Variants in GRIK1 observed in about 807,000 individuals in gnomAD.
GRIK1 encodes the protein glutamate ionotropic receptor kainate type subunit 1.
Under a neutral mutation model 105.7 loss-of-function variants are expected in GRIK1, and 69 were observed. That is an observed-to-expected ratio of 0.65 (90% CI 0.54 to 0.80). The LOEUF is 0.80. Ranked by LOEUF, GRIK1 falls within the 30% of genes least tolerant of loss-of-function variation. The probability of loss-of-function intolerance (pLI) is 0.00; values close to 1 mark genes in which losing one functional copy is unlikely to be tolerated. For synonymous variants in GRIK1, 438 were observed against 431.3 expected (o/e 1.02, Z -0.19); for missense variants, 1,109 against 1,167.3 (o/e 0.95, Z 0.73).
At chr21:29,864,373 C>G (rs2068739247) in intron 1 of GRIK1, among the ~76,000 whole-genome samples, 3 of 151,938 alleles carry the variant, frequency 2.0e-5, no homozygotes, top group Admixed American at 1.3e-4. Flanking sequence ...TTTCTTCTAC[C>G]CTACTTTCTC....
chr21:29,697,157 T>C (rs959562691), intron 1 of GRIK1, among the ~76,000 whole-genome samples: 14 of 152,234 alleles, frequency 9.2e-5, no homozygotes, highest in Admixed American at 9.2e-4. Flanking sequence ...CTTTGTCTCA[T>C]ACATGTGAGC....
intron 1 of GRIK1, among the ~76,000 whole-genome samples, chr21:29,755,304 G>A (rs148754389): frequency 2.3e-4 from 35 of 152,318 alleles, no homozygotes; most frequent in South Asian, 1.7e-3. Context: ...CAGGCATAAG[G>A]CAGATTAATT....
chr21:29,680,363 C>G (rs143315782), intron 3 of GRIK1, among the ~76,000 whole-genome samples: 9 of 152,168 alleles, frequency 5.9e-5, no homozygotes, highest in African/African-American at 1.7e-4. Flanking sequence ...ATTATGCCAG[C>G]TCTACATTAA....
chr21:29,771,100 A>G (rs2145734572), intron 1 of GRIK1, among the ~76,000 whole-genome samples: 1 of 152,380 alleles, frequency 6.6e-6, no homozygotes, highest in Admixed American at 6.5e-5. Context: ...AAATATGCAT[A>G]CAATCATGCC....
intron 7 of GRIK1, among the ~76,000 whole-genome samples, chr21:29,634,109 A>G (rs2062344750): frequency 6.6e-6 from 1 of 152,224 alleles, no homozygotes; most frequent in Non-Finnish European, 1.5e-5. Flanking sequence ...AAATCAGCCA[A>G]CCAACCAACC....
intron 1 of GRIK1, among the ~76,000 whole-genome samples, chr21:29,785,167 A>G (rs1003570327): frequency 4.6e-5 from 7 of 152,194 alleles, no homozygotes; most frequent in Admixed American, 2.6e-4. Flanking sequence ...CAGAAGTATC[A>G]CCATTTTATA....
intron 1 of GRIK1, among the ~76,000 whole-genome samples, chr21:29,898,614 C>A (rs1010987311): frequency 6.6e-6 from 1 of 152,158 alleles, no homozygotes; most frequent in Non-Finnish European, 1.5e-5. Flanking sequence ...AGATAGCATA[C>A]CTGCTGGGTT....
intron 7 of GRIK1, among the ~76,000 whole-genome samples, chr21:29,634,305 T>C (rs1246621349): frequency 1.3e-5 from 2 of 152,238 alleles, no homozygotes; most frequent in Non-Finnish European, 2.9e-5. Context: ...GAACCATAAA[T>C]TACATTTTTC....
At chr21:29,723,127 C>A (rs899858586) in intron 1 of GRIK1, among the ~76,000 whole-genome samples, 1 of 152,080 alleles carries the variant, frequency 6.6e-6, no homozygotes, top group African/African-American at 2.4e-5. Flanking sequence ...CCAGCCTGGG[C>A]AACACAGGGA....
intron 1 of GRIK1, among the ~76,000 whole-genome samples, chr21:29,755,191 G>T (rs910082529): frequency 3.3e-5 from 5 of 152,202 alleles, no homozygotes; most frequent in Admixed American, 6.5e-5. Flanking sequence ...GAAAGAAAGT[G>T]TGCCTGGAAG....
At chr21:29,636,361 A>G (rs1043743823) in intron 7 of GRIK1, among the ~76,000 whole-genome samples, 3 of 152,242 alleles carry the variant, frequency 2.0e-5, no homozygotes, top group Admixed American at 6.5e-5. Context: ...TGCCCAGATC[A>G]TTCTACTGAA....
chr21:29,804,471 G>T (rs1011444804), intron 1 of GRIK1, among the ~76,000 whole-genome samples: 47 of 152,110 alleles, frequency 3.1e-4, no homozygotes, highest in African/African-American at 1.0e-3. Flanking sequence ...AAGACAAAAC[G>T]CTAAACTTGC....
At chr21:29,690,201 A>G (rs2063560910) in intron 2 of GRIK1, among the ~76,000 whole-genome samples, 2 of 152,222 alleles carry the variant, frequency 1.3e-5, no homozygotes, top group Non-Finnish European at 2.9e-5. Context: ...ATGTAAACTT[A>G]GAACTGATTA....
intron 3 of GRIK1, among the ~76,000 whole-genome samples, chr21:29,682,916 G>T (rs1392150279): frequency 4.0e-5 from 6 of 151,092 alleles, no homozygotes. Flanking sequence ...AATCTATAAA[G>T]AACTTACATC....
intron 3 of GRIK1, among the ~76,000 whole-genome samples, 188 bp downstream of exon 3, chr21:29,689,540 G>T (rs950694396): frequency 1.3e-5 from 2 of 152,056 alleles, no homozygotes; most frequent in Non-Finnish European, 2.9e-5. Flanking sequence ...CGTTAGAAAG[G>T]ATCAACAAAC....
At chr21:29,693,045 A>G (rs764113812) in intron 2 of GRIK1, among the ~76,000 whole-genome samples, 17 of 152,206 alleles carry the variant, frequency 1.1e-4, no homozygotes, top group Admixed American at 1.3e-4. Flanking sequence ...CAGCATAAAC[A>G]TGGTGTTCAT....
intron 7 of GRIK1, among the ~76,000 whole-genome samples, chr21:29,634,224 G>T (rs1433630273): frequency 6.6e-6 from 1 of 152,100 alleles, no homozygotes; most frequent in Non-Finnish European, 1.5e-5. Flanking sequence ...TTTACTCTTT[G>T]ATTTTTAAAA....
intron 3 of GRIK1, among the ~76,000 whole-genome samples, chr21:29,683,454 A>G (rs1048226265): frequency 6.6e-6 from 1 of 152,250 alleles, no homozygotes; most frequent in African/African-American, 2.4e-5. Flanking sequence ...ATAAAAAAGA[A>G]TAAGCTCATG....
chr21:29,778,706 CA>C (rs1310487139), intron 1 of GRIK1, among the ~76,000 whole-genome samples: 2 of 152,110 alleles, frequency 1.3e-5, no homozygotes, highest in African/African-American at 2.4e-5. Context: ...AAAAATGTGA[CA>C]AAAATTAATC....
Sources: gnomAD v4.1 joint callset for allele counts (sites outside exome capture counted in the v4.1 genomes callset) on GRCh38, gnomAD v4.1.1 for gene constraint, MANE v1.5 for transcripts, NCBI Gene and HGNC (gene_info 2026-07-23, HGNC 2026-07-21) for gene names.